Variants in POLE observed in about 807,000 individuals in gnomAD.
POLE encodes the protein DNA polymerase epsilon catalytic subunit A.
In POLE, 188 loss-of-function variants were observed where a neutral mutation model predicts 279.2. The ratio of observed to expected loss-of-function variants is 0.67; its 90% CI spans 0.60 to 0.76. The LOEUF is 0.76. POLE is among the 30% of genes least tolerant of loss of function. POLE has a pLI of 0.00. For synonymous variants in POLE, 1,214 were observed against 1,172.5 expected, an observed-to-expected ratio of 1.04 and a Z score of -0.72; for missense variants, 2,703 against 3,016.7, an observed-to-expected ratio of 0.90 and a Z score of 2.44.
intron 40 of POLE, chr12:132,638,573 G>A (rs561792953): frequency 2.1e-4 from 35 of 168,580 alleles, no homozygotes; most frequent in Non-Finnish European, 3.6e-4. Flanking sequence ...TTGGTGAGGC[G>A]CGGCCAGGGA....
chr12:132,663,598 G>GTGGGAAA (rs2042726082), intron 23 of POLE, among the ~76,000 whole-genome samples: 6 of 152,142 alleles, frequency 3.9e-5, no homozygotes, highest in Admixed American at 3.9e-4. Context: ...AGGGGCTATG[G>GTGGGAAA]TGGGAAATGG....
In POLE at chr12:132,626,230, C is replaced by G. The variant is rs5745066; in HGVS notation, c.6418G>C (p.Glu2140Gln). 19 of 1,613,670 alleles carry G rather than the reference C, an allele frequency of 1.2e-5. No homozygotes were observed. In the South Asian group the frequency reaches 1.5e-4, roughly 13 times the overall value. ...LRLVDVGEFS[E>Q]EAQFRDPCRS... ...CAGGGGTCTCGGAACTGGGCCTCCT[C>G]GGAGAACTCGCCGACATCCACCAGG... The change falls in exon 46 of 49, where the codon GAG becomes CAG. Residue 2140 changes from glutamate (E) to glutamine (Q), a missense_variant. Glu to Gln is a conservative substitution (Grantham distance 29, BLOSUM62 2). Transcript: ENST00000320574.
chr12:132,680,111 C>CTA, intron 4 of POLE, 65 bp from the exon 5 acceptor site: 7 of 1,594,152 alleles, frequency 4.4e-6, no homozygotes, highest in Non-Finnish European at 6.0e-6. Context: ...TGCCTATTTC[C>CTA]CAGTTGCAAA....
chr12:132,664,484 G>T lies in POLE; in HGVS notation c.2469-22C>A, dbSNP rs758257275. On this transcript the variant is annotated intron_variant, in intron 21 of 48. Coordinates refer to ENST00000320574, the MANE Select transcript of POLE (RefSeq NM_006231.4). This position sits in a 1 kb window ranked among gnomAD's most constrained non-coding sequence, Gnocchi z 5.3. Reference sequence around the variant, plus strand: ...AGCCCTGAGAGGACACCACAAACTGGTGGGTGGGGCTGGCATGGCTCCTCC... The same window carrying T: ...AGCCCTGAGAGGACACCACAAACTGTTGGGTGGGGCTGGCATGGCTCCTCC... 6.9e-6 allele frequency: 11 copies of T among 1,598,918 alleles called. No individual in the cohort carries two copies. Among genetic ancestry groups the T allele is most frequent in the Non-Finnish European group, 9.4e-6 (11 of 1,166,726 alleles).
chr12:132,670,992 G>A (rs2042915831), intron 16 of POLE, among the ~76,000 whole-genome samples: 1 of 152,148 alleles, frequency 6.6e-6, no homozygotes, highest in African/African-American at 2.4e-5. Context: ...GGCAGGCACA[G>A]TGGCTCACAC....
rs1060504065 is a variant in POLE, at chr12:132,667,635, T to C, written c.2187A>G (p.Lys729=). ...EKRRLADYCR[K]AYKKIHITKV... is the part of the protein sequence containing the mutation. ...TGGTGATGTGGATCTTCTTGTAGGCTTTCCGGCAGTAATCTAAGCACGACG... is the reference window on the plus strand; with the variant it reads ...TGGTGATGTGGATCTTCTTGTAGGCCTTCCGGCAGTAATCTAAGCACGACG... Residue 729 remains lysine (K), a synonymous_variant, in exon 20 of 49, where the codon AAA becomes AAG. Coordinates refer to ENST00000320574, the MANE Select transcript of POLE (RefSeq NM_006231.4). 183 of 1,614,074 alleles carry C rather than the reference T, an allele frequency of 1.1e-4. No homozygotes were observed. The highest frequency in any genetic ancestry group is 1.5e-4 in the Non-Finnish European group (177 of 1,180,024).
intron 1 of POLE, among the ~76,000 whole-genome samples, chr12:132,686,625 C>T (rs1381074483): frequency 1.3e-5 from 2 of 151,994 alleles, no homozygotes; most frequent in Non-Finnish European, 2.9e-5. Flanking sequence ...ATTCCAGCTA[C>T]TCGGGAGGCT....
chr12:132,632,010 G>C (rs771791800), intron 45 of POLE, among the ~76,000 whole-genome samples: 66 of 152,312 alleles, frequency 4.3e-4, no homozygotes, highest in Non-Finnish European at 7.3e-4. Flanking sequence ...AACTGTGGCT[G>C]CATGTGACAG....
In POLE at chr12:132,664,453, C is replaced by T. The variant is rs375426113; in HGVS notation, c.2478G>A (p.Trp826Ter). The change falls in exon 22 of 49, where the codon TGG becomes TGA. Residue 826 changes from tryptophan (W) to a stop codon, truncating the protein, a stop_gained. Transcript: ENST00000320574. LOFTEE classifies it high-confidence loss of function. The surrounding 1 kb of genome is among the most constrained non-coding windows in gnomAD (Gnocchi z 5.3). Reference protein sequence around the residue: ...YGYVMRKGARWYSMEMAGIVC... With the variant: ...YGYVMRKGAR ...CGATGCCAGCCATCTCCATGGAGTACCAGCGAGCCCTGAGAGGACACCACA... is the reference window on the plus strand; with the variant it reads ...CGATGCCAGCCATCTCCATGGAGTATCAGCGAGCCCTGAGAGGACACCACA... 1 of 1,613,888 alleles carries T rather than the reference C, an allele frequency of 6.2e-7. No homozygotes were observed. The highest frequency in any genetic ancestry group is 8.5e-7 in the Non-Finnish European group (1 of 1,179,926).
chr12:132,687,334 C>A lies in POLE; in HGVS notation c.-19G>T. The A allele has an allele frequency of 6.7e-7, 1 of 1,492,502 alleles. No individual in the cohort carries two copies. Among genetic ancestry groups the A allele is most frequent in the African/African-American group, 1.4e-5 (1 of 69,778 alleles). The allele number at this position is 1,492,502 out of a possible 1,614,324, so 92.5% of individuals were successfully genotyped here. ...GAGACATGGAGCCGTTGGCTACCAC[C>A]TCTGCTTCAGGGGAGAAATTTGGCG... On this transcript the variant is annotated 5_prime_UTR_variant, in exon 1 of 49. It adds an upstream start codon to the 5' untranslated region. Coordinates refer to ENST00000320574, the MANE Select transcript of POLE (RefSeq NM_006231.4).
intron 6 of POLE, among the ~76,000 whole-genome samples, 196 bp from the exon 7 acceptor site, chr12:132,677,915 C>G (rs1044784833): frequency 2.0e-5 from 3 of 152,148 alleles, no homozygotes; most frequent in Non-Finnish European, 2.9e-5. Context: ...TGGCAGCTCA[C>G]GCCTGTAATC....
intron 12 of POLE, among the ~76,000 whole-genome samples, chr12:132,674,386 G>A (rs2042996736): frequency 2.0e-5 from 3 of 151,784 alleles, no homozygotes; most frequent in East Asian, 2.0e-4. Context: ...AGACCCACCC[G>A]CAACCCAGTG....
intron 1 of POLE, among the ~76,000 whole-genome samples, chr12:132,683,577 T>C (rs1195338471): frequency 6.6e-6 from 1 of 152,242 alleles, no homozygotes; most frequent in African/African-American, 2.4e-5. Flanking sequence ...AATAGTTGAA[T>C]GCACCCGTAA....
chr12:132,670,518 G>A (rs2042901412), intron 16 of POLE, among the ~76,000 whole-genome samples: 1 of 150,074 alleles, frequency 6.7e-6, no homozygotes, highest in Non-Finnish European at 1.5e-5. Context: ...CAAAATGCTG[G>A]GATTCCAGGC....
intron 31 of POLE, 111 bp from the exon 32 acceptor site, chr12:132,649,183 C>A: frequency 1.3e-6 from 2 of 1,501,736 alleles, no homozygotes; most frequent in Admixed American, 1.9e-5. Flanking sequence ...GGCCTCCCTA[C>A]GATGGGCAGG....
In POLE at chr12:132,643,029, T is replaced by C. The variant is rs770512891; in HGVS notation, c.4552-33A>G. ...AACGCAGGCCACGTCAGCCTCCCCCTGCGCAGGAGGAAGTGGGGGCAGCCC... is the reference window on the plus strand; with the variant it reads ...AACGCAGGCCACGTCAGCCTCCCCCCGCGCAGGAGGAAGTGGGGGCAGCCC... On this transcript the variant is annotated intron_variant, in intron 35 of 48. Coordinates refer to ENST00000320574, the MANE Select transcript of POLE (RefSeq NM_006231.4). The C allele has an allele frequency of 1.0e-5, 16 of 1,559,780 alleles. No individual in the cohort carries two copies. The South Asian group carries it at 1.8e-4, about 18-fold the overall frequency.
chr12:132,679,289 T>C (rs5744743), intron 6 of POLE, among the ~76,000 whole-genome samples: 4 of 152,200 alleles, frequency 2.6e-5, no homozygotes, highest in East Asian at 3.9e-4. Flanking sequence ...CACCCCTCCA[T>C]TGGAAAAGAG....
intron 13 of POLE, 97 bp downstream of exon 13, chr12:132,673,478 G>T (rs1208409872): frequency 1.3e-6 from 2 of 1,536,336 alleles, no homozygotes; most frequent in Non-Finnish European, 1.8e-6. Context: ...ACGGCAGCAG[G>T]GGGAGCCGGG....
rs941569113 is a variant in POLE, at chr12:132,656,209, C to A, written c.3582+927G>T. Among the ~76,000 whole-genome samples, 3 of 152,112 alleles carry A rather than the reference C, an allele frequency of 2.0e-5. No individual in the cohort carries two copies. The Middle Eastern group carries it at 0.01, about 517-fold the overall frequency. The stretch of plus-strand genomic sequence containing the variant: ...CCCAGGAGGCAGAAGCTGCAGTGAG[C>A]CAAACCCAGGAGGCAGAAGCTGCAT... On this transcript the variant is annotated intron_variant, in intron 29 of 48. Coordinates refer to ENST00000320574, the MANE Select transcript of POLE (RefSeq NM_006231.4).
Sources: allele counts gnomAD v4.1 joint callset (sites outside exome capture counted in the v4.1 genomes callset), GRCh38; gene constraint gnomAD v4.1.1; non-coding constraint Gnocchi (gnomAD v3.1); transcripts MANE v1.5; gene names NCBI Gene and HGNC (gene_info 2026-07-23, HGNC 2026-07-21).